RSPO2: variants seen among roughly 807,000 people sequenced by gnomAD.
RSPO2 encodes the protein R-spondin-2.
RSPO2 carries 14 observed loss-of-function variants against 30.9 expected under a neutral mutation model. The observed-to-expected ratio is 0.45, with a 90% CI of 0.30 to 0.71. RSPO2 has a LOEUF of 0.71. Ranked by LOEUF, RSPO2 falls within the 30% of genes least tolerant of loss-of-function variation. The pLI, the probability that RSPO2 is intolerant of heterozygous loss-of-function variation, is 0.08. For missense variants in RSPO2, 264 were observed against 301.9 expected (o/e 0.87, Z 0.93); for synonymous variants, 107 against 96.4 (o/e 1.11, Z -0.64).
intron 2 of RSPO2, among the ~76,000 whole-genome samples, chr8:108,064,023 T>A (rs1812572315): frequency 6.6e-6 from 1 of 152,140 alleles, no homozygotes; most frequent in Non-Finnish European, 1.5e-5. Context: ...TATACAAAAA[T>A]TAATTCAAGA....
At chr8:107,922,805 T>A (rs1812221211) in intron 5 of RSPO2, among the ~76,000 whole-genome samples, 1 of 152,094 alleles carries the variant, frequency 6.6e-6, no homozygotes, top group South Asian at 2.1e-4. Flanking sequence ...AACCATCTGA[T>A]TTTTTATGAA....
chr8:108,060,502 C>T (rs1650822598), intron 2 of RSPO2, among the ~76,000 whole-genome samples: 1 of 151,634 alleles, frequency 6.6e-6, no homozygotes, highest in Non-Finnish European at 1.5e-5. Flanking sequence ...TGAAAAGAAA[C>T]AAACAAAGCC....
intron 2 of RSPO2, among the ~76,000 whole-genome samples, chr8:108,042,095 C>A (rs1218206712): frequency 2.6e-5 from 4 of 152,104 alleles, no homozygotes; most frequent in Non-Finnish European, 4.4e-5. Flanking sequence ...AGAGGAGACA[C>A]AAATTTCAGA....
At chr8:108,011,852 A>T (rs1810720813) in intron 2 of RSPO2, among the ~76,000 whole-genome samples, 1 of 152,192 alleles carries the variant, frequency 6.6e-6, no homozygotes, top group Non-Finnish European at 1.5e-5. Context: ...CCTTAATTAC[A>T]ATTTCCTCCA....
At chr8:108,064,549 ATAGGAACACT>A (rs1443819049) in intron 2 of RSPO2, among the ~76,000 whole-genome samples, 1 of 152,254 alleles carries the variant, frequency 6.6e-6, no homozygotes, top group Non-Finnish European at 1.5e-5. Flanking sequence ...ATGTGGAGAA[ATAGGAACACT>A]TATACACTGT....
At chr8:108,006,331 G>A (rs1696798263) in intron 2 of RSPO2, among the ~76,000 whole-genome samples, 1 of 151,734 alleles carries the variant, frequency 6.6e-6, no homozygotes, top group Admixed American at 6.6e-5. Context: ...CAAAAGAAAT[G>A]TGAAGGTTAA....
chr8:107,991,115 C>T (rs957763222), intron 2 of RSPO2, among the ~76,000 whole-genome samples: 7 of 151,984 alleles, frequency 4.6e-5, no homozygotes, highest in South Asian at 2.1e-4. Flanking sequence ...GGCATGGTAG[C>T]GAATGCCTAT....
intron 2 of RSPO2, among the ~76,000 whole-genome samples, chr8:107,993,592 A>C (rs891762590): frequency 2.0e-5 from 3 of 152,160 alleles, no homozygotes; most frequent in African/African-American, 7.2e-5. Context: ...GGAAAGGGGC[A>C]TAATAGAATT....
intron 2 of RSPO2, among the ~76,000 whole-genome samples, chr8:108,045,638 T>C (rs902459801): frequency 6.6e-6 from 1 of 152,112 alleles, no homozygotes; most frequent in South Asian, 2.1e-4. Flanking sequence ...AACATTTTTG[T>C]TGGGAGGGCA....
intron 2 of RSPO2, among the ~76,000 whole-genome samples, chr8:108,017,574 A>T (rs1330624354): frequency 6.6e-6 from 1 of 152,186 alleles, no homozygotes; most frequent in African/African-American, 2.4e-5. Flanking sequence ...AAAGTTATAA[A>T]CATAAATACC....
intron 5 of RSPO2, among the ~76,000 whole-genome samples, chr8:107,915,278 G>A (rs1388994980): frequency 6.6e-6 from 1 of 152,090 alleles, no homozygotes; most frequent in African/African-American, 2.4e-5. Context: ...TCCCATAACT[G>A]TAGCCATATT....
intron 2 of RSPO2, among the ~76,000 whole-genome samples, chr8:108,038,878 A>G (rs2130651849): frequency 6.6e-6 from 1 of 152,316 alleles, no homozygotes; most frequent in Non-Finnish European, 1.5e-5. Flanking sequence ...GAAGAAACCA[A>G]AAATTTGTGT....
intron 3 of RSPO2, among the ~76,000 whole-genome samples, chr8:107,965,322 G>A (rs1189163351): frequency 1.3e-5 from 2 of 152,076 alleles, no homozygotes; most frequent in Non-Finnish European, 2.9e-5. Context: ...GGCAAGAAGG[G>A]CTTAACCTTG....
intron 5 of RSPO2, among the ~76,000 whole-genome samples, chr8:107,911,720 T>A (rs1331732474): frequency 2.0e-5 from 3 of 152,170 alleles, no homozygotes; most frequent in Non-Finnish European, 4.4e-5. Flanking sequence ...TTCGAGAAGT[T>A]AAGTAAATAG....
At chr8:108,054,943 G>A (rs1018109163) in intron 2 of RSPO2, among the ~76,000 whole-genome samples, 2 of 151,884 alleles carry the variant, frequency 1.3e-5, no homozygotes, top group South Asian at 4.1e-4. Context: ...GCAAAACCCT[G>A]TCTCTAACAA....
intron 2 of RSPO2, among the ~76,000 whole-genome samples, chr8:108,060,183 A>C: frequency 6.6e-6 from 1 of 151,776 alleles, no homozygotes; most frequent in East Asian, 1.9e-4. Flanking sequence ...AGCTGGATGG[A>C]GAATGACTTT....
intron 2 of RSPO2, among the ~76,000 whole-genome samples, chr8:108,055,517 T>C (rs1023790403): frequency 1.3e-5 from 2 of 152,166 alleles, no homozygotes; most frequent in South Asian, 2.1e-4. Context: ...GGGAAGGCCA[T>C]GGACAGGTTC....
chr8:107,976,436 C>T (rs151099701), intron 3 of RSPO2, among the ~76,000 whole-genome samples: 20 of 152,272 alleles, frequency 1.3e-4, no homozygotes, highest in African/African-American at 4.8e-4. Flanking sequence ...TAAATGTTTA[C>T]AAATACTATA....
intron 5 of RSPO2, among the ~76,000 whole-genome samples, chr8:107,937,130 T>C (rs2130363204): frequency 6.6e-6 from 1 of 150,694 alleles, no homozygotes; most frequent in African/African-American, 2.4e-5. Flanking sequence ...GGCCTTAGTT[T>C]AAGTCTTTAA....
Sources: allele counts gnomAD v4.1 joint callset (sites outside exome capture counted in the v4.1 genomes callset), GRCh38; gene constraint gnomAD v4.1.1; transcripts MANE v1.5; gene names NCBI Gene and HGNC (gene_info 2026-07-23, HGNC 2026-07-21).